Variants in ODAD2 observed in about 807,000 individuals in gnomAD.
ODAD2 encodes outer dynein arm-docking complex subunit 2.
A neutral mutation model predicts 106.8 loss-of-function variants in ODAD2; 89 were observed. The observed-to-expected ratio is 0.83, with a 90% CI of 0.70 to 0.99. The LOEUF (loss-of-function observed/expected upper bound fraction) is 0.99. Among genes scored for constraint, ODAD2 ranks in the 50% least tolerant of loss-of-function variants. The pLI is 0.00. For missense variants in ODAD2, 1,168 were observed against 1,238.5 expected (o/e 0.94, Z 0.85); for synonymous variants, 404 against 436.2 (o/e 0.93, Z 0.92).
At chr10:27,821,453 A>G (rs1836601555) in intron 19 of ODAD2, among the ~76,000 whole-genome samples, 1 of 152,230 alleles carries the variant, frequency 6.6e-6, no homozygotes, top group Admixed American at 6.5e-5. Flanking sequence ...AATTGGGCTC[A>G]GGAATATGTT....
chr10:27,868,791 T>C (rs1351518855), intron 17 of ODAD2, among the ~76,000 whole-genome samples: 2 of 151,924 alleles, frequency 1.3e-5, no homozygotes, highest in African/African-American at 2.4e-5. Context: ...CATTTACCTA[T>C]GTAACAAACC....
chr10:27,922,884 C>T (rs994575393), intron 16 of ODAD2, among the ~76,000 whole-genome samples: 1 of 151,878 alleles, frequency 6.6e-6, no homozygotes, highest in African/African-American at 2.4e-5. Context: ...CCAACCTGGG[C>T]AACAAAGTGA....
chr10:27,949,550 G>A (rs1847182306), intron 10 of ODAD2, among the ~76,000 whole-genome samples: 1 of 152,182 alleles, frequency 6.6e-6, no homozygotes, highest in African/African-American at 2.4e-5. Flanking sequence ...CAAAAACGCA[G>A]GGGAGTAGAG....
At chr10:27,953,355 A>C (rs761418844) in intron 10 of ODAD2, among the ~76,000 whole-genome samples, 19 of 152,210 alleles carry the variant, frequency 1.2e-4, no homozygotes, top group Non-Finnish European at 2.4e-4. Context: ...AATCTTATAA[A>C]TATCTTGGCA....
At chr10:27,945,796 A>G (rs1846872993) in intron 10 of ODAD2, among the ~76,000 whole-genome samples, 1 of 152,188 alleles carries the variant, frequency 6.6e-6, no homozygotes, top group South Asian at 2.1e-4. Flanking sequence ...TATTACCACT[A>G]CTGCTATTCA....
intron 16 of ODAD2, among the ~76,000 whole-genome samples, chr10:27,914,199 C>A (rs1288466617): frequency 6.6e-6 from 1 of 152,032 alleles, no homozygotes; most frequent in Non-Finnish European, 1.5e-5. Context: ...CCAATTATAT[C>A]CCATGCATTG....
intron 10 of ODAD2, among the ~76,000 whole-genome samples, chr10:27,959,552 T>G (rs1338535369): frequency 6.6e-6 from 1 of 152,054 alleles, no homozygotes; most frequent in East Asian, 1.9e-4. Context: ...ACTATGTGGT[T>G]TGTGCACAAA....
At chr10:27,980,744 G>GC (rs1260533590) in intron 7 of ODAD2, among the ~76,000 whole-genome samples, 1 of 152,100 alleles carries the variant, frequency 6.6e-6, no homozygotes, top group African/African-American at 2.4e-5. Flanking sequence ...AAATGGTGTG[G>GC]CCCCCGTGGA....
At chr10:27,913,647 A>G (rs181876074) in intron 16 of ODAD2, among the ~76,000 whole-genome samples, 1 of 152,292 alleles carries the variant, frequency 6.6e-6, no homozygotes, top group African/African-American at 2.4e-5. Context: ...CAAAAGCTGA[A>G]TAACCCCATT....
At chr10:27,901,019 C>G (rs186201656) in intron 17 of ODAD2, among the ~76,000 whole-genome samples, 31 of 152,290 alleles carry the variant, frequency 2.0e-4, no homozygotes, top group African/African-American at 7.5e-4. Context: ...TCATCAGATT[C>G]AGCAAGATTG....
intron 16 of ODAD2, among the ~76,000 whole-genome samples, chr10:27,918,426 A>G (rs1844546070): frequency 1.3e-5 from 2 of 151,518 alleles, no homozygotes; most frequent in African/African-American, 4.8e-5. Context: ...CACCTTATTT[A>G]TTTATAGAAC....
At chr10:27,820,484 C>T (rs906822797) in intron 19 of ODAD2, among the ~76,000 whole-genome samples, 3 of 151,960 alleles carry the variant, frequency 2.0e-5, no homozygotes, top group Admixed American at 6.6e-5. Context: ...TGGCTATTCC[C>T]GGAGTCAACC....
chr10:27,961,011 CATAT>C lies in ODAD2; in HGVS notation c.1386+553_1386+556del, dbSNP rs369231462. Among the ~76,000 whole-genome samples, 225 of 152,198 alleles carry C rather than the reference CATAT, an allele frequency of 1.5e-3. 1 individual carries two copies. The highest frequency in any genetic ancestry group is 5.0e-3 in the African/African-American group (209 of 41,524). The stretch of plus-strand genomic sequence containing the variant: ...GGCCAATTATTATGTAAAATATTCT[CATAT>C]ATGCTATCTGACGTGAGAGAAATGA... On this transcript the variant is annotated intron_variant, in intron 10 of 19. Transcript: ENST00000305242.
At position 27,938,738 on chromosome 10, in the gene ODAD2, T is replaced by G. The variant is rs549056661; in HGVS notation, c.2097+1159A>C. ...CCTCAGCCTCCTGAGCAACTGGGAT[T>G]ACAGGCACATGCAACCACACCCAGC... On this transcript the variant is annotated intron_variant, in intron 14 of 19. Transcript: ENST00000305242. Among the ~76,000 whole-genome samples the G allele has an allele frequency of 2.1e-3, 315 of 152,100 alleles. 1 individual carries two copies. The highest frequency in any genetic ancestry group is 7.0e-3 in the African/African-American group (291 of 41,484).
chr10:27,937,741 TGCACCATACAG>T, intron 14 of ODAD2, among the ~76,000 whole-genome samples: 2 of 152,272 alleles, frequency 1.3e-5, no homozygotes, highest in Middle Eastern at 6.8e-3. Flanking sequence ...CTCATCACAG[TGCACCATACAG>T]GCACCTGCCA....
At chr10:27,886,229 C>T (rs1394801086) in intron 17 of ODAD2, among the ~76,000 whole-genome samples, 2 of 151,482 alleles carry the variant, frequency 1.3e-5, no homozygotes, top group Non-Finnish European at 2.9e-5. Flanking sequence ...GACACCACAT[C>T]CCCTAGTTGT....
At chr10:27,910,684 G>A (rs1427368611) in intron 16 of ODAD2, among the ~76,000 whole-genome samples, 1 of 152,106 alleles carries the variant, frequency 6.6e-6, no homozygotes, top group Non-Finnish European at 1.5e-5. Flanking sequence ...TTGAGCCCAG[G>A]AAGTGGAAGT....
chr10:27,837,969 C>T (rs529943114), intron 19 of ODAD2, among the ~76,000 whole-genome samples: 3 of 151,982 alleles, frequency 2.0e-5, no homozygotes, highest in African/African-American at 7.3e-5. Context: ...TCTTACCCCA[C>T]GGCGATGGAT....
chr10:27,991,725 C>T (rs1371546848), intron 2 of ODAD2, among the ~76,000 whole-genome samples: 1 of 152,200 alleles, frequency 6.6e-6, no homozygotes, highest in Non-Finnish European at 1.5e-5. Flanking sequence ...TCCTCCTTTA[C>T]TTTAAAGTAT....
Sources: gnomAD v4.1 joint callset for allele counts (sites outside exome capture counted in the v4.1 genomes callset) on GRCh38, gnomAD v4.1.1 for gene constraint, MANE v1.5 for transcripts, NCBI Gene and HGNC (gene_info 2026-07-23, HGNC 2026-07-21) for gene names.